C12orf56: variants seen among roughly 807,000 people sequenced by gnomAD.
C12orf56 encodes uncharacterized protein C12orf56.
A neutral mutation model predicts 69.9 loss-of-function variants in C12orf56; 71 were observed. The observed-to-expected ratio is 1.02, with a 90% CI of 0.84 to 1.24. The LOEUF (loss-of-function observed/expected upper bound fraction) is 1.24. Among genes scored for constraint, C12orf56 ranks in the 50% most tolerant of loss-of-function variants. The probability of loss-of-function intolerance (pLI) is 0.00; values close to 1 mark genes in which losing one functional copy is unlikely to be tolerated. For synonymous variants in C12orf56, 276 were observed against 274.1 expected, an observed-to-expected ratio of 1.01 and a Z score of -0.07; for missense variants, 732 against 738.5, an observed-to-expected ratio of 0.99 and a Z score of 0.10.
At chr12:64,294,553 T>C (rs886972374) in intron 6 of C12orf56, among the ~76,000 whole-genome samples, 1 of 152,154 alleles carries the variant, frequency 6.6e-6, no homozygotes, top group Non-Finnish European at 1.5e-5. Context: ...GAGAACATTA[T>C]GCTAGGTGAA....
rs541475109 is a variant in C12orf56, at chr12:64,331,255, T to A, written c.416-223A>T. Among the ~76,000 whole-genome samples, 4 of 152,216 alleles carry A rather than the reference T, an allele frequency of 2.6e-5. No individual in the cohort carries two copies. In the South Asian group the frequency reaches 8.3e-4, roughly 32 times the overall value. On this transcript the variant is annotated intron_variant, in intron 2 of 12. Coordinates refer to ENST00000543942, the MANE Select transcript of C12orf56 (RefSeq NM_001170633.2). ...GTGGCTCACACCTGTAATCCCAACA[T>A]TTTAGAAGGCTGAAGTGGGAGGATC...
At chr12:64,382,323 C>G (rs975076068) in intron 1 of C12orf56, among the ~76,000 whole-genome samples, 1 of 148,636 alleles carries the variant, frequency 6.7e-6, no homozygotes, top group Non-Finnish European at 1.5e-5. Flanking sequence ...AATACATAAT[C>G]AGTACTCAAA....
chr12:64,338,124 TC>T, intron 2 of C12orf56: 1 of 495,202 alleles, frequency 2.0e-6, no homozygotes, highest in East Asian at 5.3e-5. Context: ...ATCAGAAGCT[TC>T]CACATCACAG....
chr12:64,352,208 C>T (rs2039237285), intron 2 of C12orf56: 1 of 151,964 alleles, frequency 6.6e-6, no homozygotes, highest in Non-Finnish European at 1.5e-5. Flanking sequence ...TTACCCACCA[C>T]CCTTGTTTCA....
intron 2 of C12orf56, among the ~76,000 whole-genome samples, chr12:64,337,567 G>A (rs376904974): frequency 1.3e-4 from 20 of 152,190 alleles, no homozygotes; most frequent in African/African-American, 3.9e-4. Flanking sequence ...ACCTTAAAAC[G>A]GGACATAGAC....
intron 4 of C12orf56, among the ~76,000 whole-genome samples, chr12:64,313,838 T>A (rs948203627): frequency 6.6e-6 from 1 of 150,886 alleles, no homozygotes; most frequent in Non-Finnish European, 1.5e-5. Flanking sequence ...AGGTCAGGAG[T>A]TCGAGACAAG....
At chr12:64,301,525 CAGA>C (rs1438891883) in intron 6 of C12orf56, among the ~76,000 whole-genome samples, 1 of 152,114 alleles carries the variant, frequency 6.6e-6, no homozygotes, top group African/African-American at 2.4e-5. Flanking sequence ...ACTGAGGCCC[CAGA>C]AGAAGGTTTT....
chr12:64,265,859 T>A lies in C12orf56; in HGVS notation c.*1324A>T, dbSNP rs2037915727. ...TGTGGAATTAAATTAGTTTATGGCATAAAATATAGTAAAGACAAGTTTTTA... is the reference window on the plus strand; with the variant it reads ...TGTGGAATTAAATTAGTTTATGGCAAAAAATATAGTAAAGACAAGTTTTTA... On this transcript the variant is annotated 3_prime_UTR_variant, in exon 13 of 13. Transcript: ENST00000543942. 6.6e-6 allele frequency: 1 copy of A among 152,214 alleles called. No homozygotes were observed. Among genetic ancestry groups the A allele is most frequent in the Non-Finnish European group, 1.5e-5 (1 of 68,038 alleles). 9.4% of individuals were successfully genotyped at this position (152,214 alleles called of 1,614,324 possible).
intron 1 of C12orf56, among the ~76,000 whole-genome samples, chr12:64,385,794 T>G: frequency 6.6e-6 from 1 of 152,114 alleles, no homozygotes; most frequent in South Asian, 2.1e-4. Context: ...ATAATAAAAC[T>G]CCAGTCTCCT....
chr12:64,336,642 A>G (rs1334207930), intron 2 of C12orf56, among the ~76,000 whole-genome samples: 1 of 152,222 alleles, frequency 6.6e-6, no homozygotes, highest in East Asian at 1.9e-4. Flanking sequence ...TTTCCATGCC[A>G]CAGTGTGTCA....
rs192204952 is a variant in C12orf56 at position 64,381,397 on chromosome 12, A to G, written c.252+8917T>C. Among the ~76,000 whole-genome samples, 32 of 152,366 alleles carry G rather than the reference A, an allele frequency of 2.1e-4. No individual in the cohort carries two copies. The East Asian group carries it at 4.2e-3, about 20-fold the overall frequency. ...TCAGAATCTTGTAGCCTCCAGCTGC[A>G]TGTCTCCTAAACCATAATTTCTAAT... On this transcript the variant is annotated intron_variant, in intron 1 of 12. Coordinates refer to ENST00000543942, the MANE Select transcript of C12orf56 (RefSeq NM_001170633.2).
intron 1 of C12orf56, among the ~76,000 whole-genome samples, chr12:64,356,616 A>C (rs2039321309): frequency 6.6e-6 from 1 of 152,220 alleles, no homozygotes; most frequent in African/African-American, 2.4e-5. Context: ...GGATGGTTAC[A>C]GAACAGGTAA....
At chr12:64,319,345 T>C (rs1484425851) in intron 3 of C12orf56, among the ~76,000 whole-genome samples, 1 of 152,222 alleles carries the variant, frequency 6.6e-6, no homozygotes, top group Non-Finnish European at 1.5e-5. Flanking sequence ...ACATTGCTAA[T>C]GGATCCTATA....
At chr12:64,385,669 A>G (rs1207294427) in intron 1 of C12orf56, among the ~76,000 whole-genome samples, 1 of 151,908 alleles carries the variant, frequency 6.6e-6, no homozygotes, top group Non-Finnish European at 1.5e-5. Context: ...TCCATACCCT[A>G]TGATTTCATC....
chr12:64,272,233 G>A (rs909555285), intron 11 of C12orf56, among the ~76,000 whole-genome samples: 2 of 152,158 alleles, frequency 1.3e-5, no homozygotes, highest in Admixed American at 6.5e-5. Flanking sequence ...GGCCAGGCAC[G>A]GTGGCTCACA....
At chr12:64,286,645 G>A (rs2038205740) in intron 6 of C12orf56, among the ~76,000 whole-genome samples, 1 of 152,200 alleles carries the variant, frequency 6.6e-6, no homozygotes, top group East Asian at 1.9e-4. Flanking sequence ...CCAGTCTCAT[G>A]AGAAATCAAG....
At chr12:64,287,373 G>A (rs2038222445) in intron 6 of C12orf56, among the ~76,000 whole-genome samples, 1 of 148,804 alleles carries the variant, frequency 6.7e-6, no homozygotes, top group African/African-American at 2.5e-5. Flanking sequence ...TATACTTTAA[G>A]TTTTAGGGTA....
intron 6 of C12orf56, among the ~76,000 whole-genome samples, chr12:64,286,775 T>C (rs1196558212): frequency 6.6e-6 from 1 of 152,212 alleles, no homozygotes; most frequent in East Asian, 1.9e-4. Context: ...TTTGGTTTAC[T>C]AGTGACAATT....
At position 64,348,632 on chromosome 12, in the gene C12orf56, A is replaced by ATATGT. The variant is rs2039180084; in HGVS notation, c.415+4257_415+4261dup. On this transcript the variant is annotated intron_variant, in intron 2 of 12. Transcript: ENST00000543942. ...GAAGAGAGGTAAACAGGATTACCTG[A>ATATGT]TATGTTTAGGTACATGGGTATGTTT... Among the ~76,000 whole-genome samples, 4 of 152,330 alleles carry ATATGT rather than the reference A, an allele frequency of 2.6e-5. No homozygotes were observed. In the South Asian group the frequency reaches 8.3e-4, roughly 32 times the overall value.
Sources: gnomAD v4.1 joint callset for allele counts (sites outside exome capture counted in the v4.1 genomes callset) on GRCh38, gnomAD v4.1.1 for gene constraint, MANE v1.5 for transcripts, NCBI Gene and HGNC (gene_info 2026-07-23, HGNC 2026-07-21) for gene names.